The following PSG6 variants were observed in gnomAD, a reference collection of about 807,000 sequenced individuals.
PSG6 encodes the protein pregnancy specific beta-1-glycoprotein 6.
Under a neutral mutation model 43.3 loss-of-function variants are expected in PSG6, and 51 were observed. That is an observed-to-expected ratio of 1.18 (90% confidence interval 0.94 to 1.49). The LOEUF (loss-of-function observed/expected upper bound fraction) is 1.49, where lower values mean the gene tolerates loss of function less well. Among genes scored for constraint, PSG6 ranks in the 40% most tolerant of loss-of-function variants. The pLI, the probability that PSG6 is intolerant of heterozygous loss-of-function variation, is 0.00. For synonymous variants in PSG6, 292 were observed against 197.6 expected (o/e 1.48, Z -4.01); for missense variants, 770 against 522.2 (o/e 1.47, Z -4.62).
At chr19:42,914,941 C>T (rs1049951508) in intron 2 of PSG6, among the ~76,000 whole-genome samples, 1 of 151,578 alleles carries the variant, frequency 6.6e-6, no homozygotes, top group African/African-American at 2.4e-5. Context: ...ATTTTTTTTG[C>T]ACTGACTCTG....
intron 5 of PSG6, among the ~76,000 whole-genome samples, chr19:42,904,860 G>C (rs1972087755): frequency 6.6e-6 from 1 of 151,656 alleles, no homozygotes. Flanking sequence ...TGAAGCTGGA[G>C]GACTCACACT....
chr19:42,910,979 G>A lies in PSG6; in HGVS notation c.428-121C>T. The A allele has an allele frequency of 1.2e-5, 18 of 1,502,014 alleles. 1 individual carries two copies. Among genetic ancestry groups the A allele is most frequent in the Non-Finnish European group, 1.6e-5 (18 of 1,124,770 alleles). 93.0% of individuals were successfully genotyped at this position (1,502,014 alleles called of 1,614,324 possible). On this transcript the variant is annotated intron_variant, in intron 2 of 5. Coordinates refer to ENST00000187910, the MANE Select transcript of PSG6 (RefSeq NM_001031850.4). The stretch of plus-strand genomic sequence containing the variant: ...CCACCCAAGTCCTTAAAAGCCCATG[G>A]CAGGTGTGTGTGTTACAAGACAGAT...
At chr19:42,905,593 A>C (rs1234709846) in intron 5 of PSG6, among the ~76,000 whole-genome samples, 4 of 151,742 alleles carry the variant, frequency 2.6e-5, no homozygotes, top group Admixed American at 6.6e-5. Flanking sequence ...ATAGAATTGA[A>C]AGAAATTTGA....
intron 4 of PSG6, 100 bp downstream of exon 4, chr19:42,907,476 G>T (rs1024499572): frequency 5.1e-6 from 8 of 1,563,910 alleles, no homozygotes; most frequent in African/African-American, 2.7e-5. Context: ...CAGAAGTAAA[G>T]TTGTCTATAC....
At chr19:42,905,898 TG>T (rs1490890236) in intron 5 of PSG6, among the ~76,000 whole-genome samples, 1 of 151,214 alleles carries the variant, frequency 6.6e-6, no homozygotes, top group East Asian at 1.9e-4. Flanking sequence ...AGTAGAATGG[TG>T]GGTGTTAAGG....
intron 1 of PSG6, among the ~76,000 whole-genome samples, chr19:42,916,752 C>T (rs1972344318): frequency 6.6e-6 from 1 of 151,112 alleles, no homozygotes; most frequent in South Asian, 2.1e-4. Context: ...TTGCAATCCT[C>T]TTCCCCAGGG....
chr19:42,902,975 A>T (rs1972058835), intron 5 of PSG6, among the ~76,000 whole-genome samples: 1 of 151,534 alleles, frequency 6.6e-6, no homozygotes, highest in African/African-American at 2.4e-5. Context: ...TGTGCTCAAT[A>T]CTTTACCTGT....
intron 4 of PSG6, 108 bp from the exon 5 acceptor site, chr19:42,907,284 T>C: frequency 6.0e-6 from 9 of 1,510,458 alleles, no homozygotes; most frequent in Non-Finnish European, 8.0e-6. Flanking sequence ...CAACCTCAAG[T>C]GACAGCCAAA....
chr19:42,912,141 G>A (rs967669940), intron 2 of PSG6, among the ~76,000 whole-genome samples: 10 of 151,732 alleles, frequency 6.6e-5, no homozygotes, highest in Non-Finnish European at 1.5e-4. Context: ...ATGCGCGAGT[G>A]AGCACTTCTT....
intron 5 of PSG6, 131 bp from the exon 6 acceptor site, chr19:42,902,577 A>C (rs548299883): frequency 1.6e-6 from 2 of 1,266,132 alleles, no homozygotes; most frequent in Non-Finnish European, 2.2e-6. Context: ...CTTTAACTCC[A>C]ATGGGTGACT....
chr19:42,910,779 A>C lies in PSG6; in HGVS notation c.507T>G (p.Asp169Glu). Residue 169 changes from aspartate (D) to glutamate (E), a missense_variant, in exon 3 of 6, where the codon GAT (aspartate) becomes GAG (glutamate). Transcript: ENST00000187910. ...GGTAGCTTGCATCCGGAGTCTCAGG[A>C]TCACAGATTAAGCGCACAGCCTCCA... ...EVMEAVRLIC[D>E]PETPDASYLW... The C allele has an allele frequency of 6.2e-7, 1 of 1,612,340 alleles. No individual in the cohort carries two copies. The highest frequency in any genetic ancestry group is 1.1e-5 in the South Asian group (1 of 90,608).
At chr19:42,912,392 C>A (rs1412515971) in intron 2 of PSG6, among the ~76,000 whole-genome samples, 19 of 151,660 alleles carry the variant, frequency 1.3e-4, no homozygotes, top group Admixed American at 3.3e-4. Flanking sequence ...TGCTGGTAGT[C>A]ATATTTCTCT....
chr19:42,908,404 G>A lies in PSG6; in HGVS notation c.707-550C>T, dbSNP rs901108690. Among the ~76,000 whole-genome samples the A allele has an allele frequency of 4.0e-5, 6 of 151,554 alleles. 1 individual carries two copies. The highest frequency in any genetic ancestry group is 1.5e-4 in the African/African-American group (6 of 41,116). Reference sequence around the variant, plus strand: ...GGGAAGACCAGAGTCAAGCCTGTAGGTCAGTTCAGTCATCAGGCACTAGAG... The same window carrying A: ...GGGAAGACCAGAGTCAAGCCTGTAGATCAGTTCAGTCATCAGGCACTAGAG... On this transcript the variant is annotated intron_variant, in intron 3 of 5. Coordinates refer to ENST00000187910, the MANE Select transcript of PSG6 (RefSeq NM_001031850.4).
At chr19:42,908,173 A>G (rs1187165605) in intron 3 of PSG6, among the ~76,000 whole-genome samples, 4 of 151,480 alleles carry the variant, frequency 2.6e-5, no homozygotes, top group African/African-American at 9.7e-5. Flanking sequence ...TGGCTGGCTC[A>G]CCCTGGGTTC....
chr19:42,903,788 G>T lies in PSG6; in HGVS notation c.1241-1342C>A. ...TGCACCTGTAGTCCTAGCATCTTGG[G>T]AGGCTGAAGAAGGAGAATTGCTTGA... On this transcript the variant is annotated intron_variant, in intron 5 of 5. Coordinates refer to ENST00000187910, the MANE Select transcript of PSG6 (RefSeq NM_001031850.4). 2 of 1,456,156 alleles carry T rather than the reference G, an allele frequency of 1.4e-6. 1 individual carries two copies. Among genetic ancestry groups the T allele is most frequent in the South Asian group, 3.0e-5 (2 of 67,246 alleles). 90.2% of individuals were successfully genotyped at this position (1,456,156 alleles called of 1,614,324 possible). A position where few individuals can be genotyped will look rare whatever the true frequency, so the allele number is the denominator to read the frequency against.
intron 5 of PSG6, among the ~76,000 whole-genome samples, chr19:42,904,251 G>A (rs1972079231): frequency 6.6e-6 from 1 of 151,648 alleles, no homozygotes; most frequent in Non-Finnish European, 1.5e-5. Context: ...AGACAAGGAT[G>A]CCTGCTATTG....
chr19:42,904,283 G>T (rs542695913), intron 5 of PSG6, among the ~76,000 whole-genome samples: 5 of 151,650 alleles, frequency 3.3e-5, no homozygotes, highest in African/African-American at 7.3e-5. Context: ...CAACATAGTA[G>T]TGAAAGGTCT....
In PSG6 at chr19:42,907,589, G is replaced by A. The variant is rs200845699; in HGVS notation, c.972C>T (p.Thr324=). 1.5e-4 allele frequency: 241 copies of A among 1,611,980 alleles called. 4 individuals carry two copies. The highest frequency in any genetic ancestry group is 1.8e-4 in the Middle Eastern group (1 of 5,680). The change falls in exon 4 of 6, where the codon ACC becomes ACT. Residue 324 remains threonine, a synonymous_variant. Coordinates refer to ENST00000187910, the MANE Select transcript of PSG6 (RefSeq NM_001031850.4). ...RYGGIRSNPV[T]LNVLYGPDLP... is the part of the protein sequence containing the mutation. Reference sequence around the variant, plus strand: ...AAGGATACTCACAGAGGACATTCAGGGTGACTGGGTTACTGCGGATGCCAC... The same window carrying A: ...AAGGATACTCACAGAGGACATTCAGAGTGACTGGGTTACTGCGGATGCCAC...
In PSG6 at chr19:42,908,029, G is replaced by A. The variant is rs919591960; in HGVS notation, c.707-175C>T. ...GATCTAAGGGCTCAAAGACTGTGAG[G>A]CCTCCTGCTCTGTCTTAGGGAAGCA... On this transcript the variant is annotated intron_variant, in intron 3 of 5. Coordinates refer to ENST00000187910, the MANE Select transcript of PSG6 (RefSeq NM_001031850.4). The A allele has an allele frequency of 7.5e-6, 8 of 1,071,254 alleles. 1 individual carries two copies. In the African/African-American group the frequency reaches 1.1e-4, roughly 15 times the overall value. The allele number at this position is 1,071,254 out of a possible 1,614,324, so 66.4% of individuals were successfully genotyped here. A position where few individuals can be genotyped will look rare whatever the true frequency, so the allele number is the denominator to read the frequency against.
Sources: allele counts gnomAD v4.1 joint callset (sites outside exome capture counted in the v4.1 genomes callset), GRCh38; gene constraint gnomAD v4.1.1; transcripts MANE v1.5; gene names NCBI Gene and HGNC (gene_info 2026-07-23, HGNC 2026-07-21).